The following R3HCC1 variants were observed in gnomAD, a reference collection of about 807,000 sequenced individuals.
R3HCC1 encodes the protein R3H domain and coiled-coil containing 1.
In R3HCC1, 32 loss-of-function variants were observed where a neutral mutation model predicts 40.0. The observed-to-expected ratio is 0.80, with a 90% CI of 0.60 to 1.07. R3HCC1 has a LOEUF of 1.07. Among genes scored for constraint, R3HCC1 ranks in the 50% least tolerant of loss-of-function variants. The pLI, the probability that R3HCC1 is intolerant of heterozygous loss-of-function variation, is 0.00. For synonymous variants in R3HCC1, 237 were observed against 232.8 expected, an observed-to-expected ratio of 1.02 and a Z score of -0.17; for missense variants, 586 against 563.3, an observed-to-expected ratio of 1.04 and a Z score of -0.41.
chr8:23,293,511 C>T (rs1448437475), intron 6 of R3HCC1, 138 bp downstream of exon 6: 2 of 659,360 alleles, frequency 3.0e-6, no homozygotes, highest in South Asian at 1.9e-5. Flanking sequence ...TTGTTCCCAG[C>T]CTAAAACCCA....
intron 1 of R3HCC1, 158 bp from the exon 2 acceptor site, chr8:23,288,348 C>G: frequency 8.4e-7 from 1 of 1,184,716 alleles, no homozygotes; most frequent in East Asian, 2.7e-5. Context: ...AGACCCCTTC[C>G]CTGACCCCTG....
At chr8:23,294,717 C>T (rs1010695498) in intron 6 of R3HCC1, 52 bp from the exon 7 acceptor site, 53 of 1,396,812 alleles carry the variant, frequency 3.8e-5, no homozygotes, top group South Asian at 3.3e-4. Flanking sequence ...GTGGGTGTGC[C>T]GCGGGGTCCT....
chr8:23,290,862 C>T, intron 4 of R3HCC1: 1 of 240,688 alleles, frequency 4.2e-6, no homozygotes, highest in Non-Finnish European at 8.1e-6. Context: ...ATCTTGTTTT[C>T]TTGGGACCGT....
At position 23,294,842 on chromosome 8, in the gene R3HCC1, G is replaced by A. The variant is rs531035874; in HGVS notation, c.1170G>A (p.Lys390=). 1 of 1,551,438 alleles carries A rather than the reference G, an allele frequency of 6.4e-7. No homozygotes were observed. The highest frequency in any genetic ancestry group is 1.2e-5 in the South Asian group (1 of 84,054). ...TCACACAGGGAACCAAGCAGTCAAA[G>A]CTCAAAGCCTTGCAGAGGCCAAGTA... The change falls in exon 7 of 8, where the codon AAG becomes AAA. Residue 390 remains lysine, a synonymous_variant. Coordinates refer to ENST00000265806, the MANE Select transcript of R3HCC1 (RefSeq NM_001136108.3).
rs1803003200 is a variant in R3HCC1, at chr8:23,295,913, G to A, written c.1193-54G>A. On this transcript the variant is annotated intron_variant, in intron 7 of 7. Transcript: ENST00000265806. Reference sequence around the variant, plus strand: ...TTGTACGGCTGCTGTGTTGCTGGGGGAGAGGCAGCCACGACCTTGTGTTTA... The same window carrying A: ...TTGTACGGCTGCTGTGTTGCTGGGGAAGAGGCAGCCACGACCTTGTGTTTA... 8 of 1,502,252 alleles carry A rather than the reference G, an allele frequency of 5.3e-6. No individual in the cohort carries two copies. The East Asian group carries it at 1.7e-4, about 33-fold the overall frequency. 93.1% of individuals were successfully genotyped at this position (1,502,252 alleles called of 1,614,324 possible). A position where few individuals can be genotyped will look rare whatever the true frequency, so the allele number is the denominator to read the frequency against.
At chr8:23,290,852 A>C (rs1375213660) in intron 4 of R3HCC1, 1 of 248,232 alleles carries the variant, frequency 4.0e-6, no homozygotes, top group Non-Finnish European at 7.8e-6. Context: ...TATCTTATAA[A>C]TCTTGTTTTC....
intron 2 of R3HCC1, 53 bp downstream of exon 2, chr8:23,288,686 C>T (rs1317928511): frequency 3.9e-6 from 6 of 1,525,592 alleles, no homozygotes; most frequent in Non-Finnish European, 5.3e-6. Context: ...GGCAGGGTTC[C>T]CGAGCCGCCT....
At chr8:23,291,002 T>C in intron 4 of R3HCC1, 1 of 214,744 alleles carries the variant, frequency 4.7e-6, no homozygotes, top group South Asian at 9.5e-5. Context: ...GGAAAGTTCT[T>C]GGACTTGCCC....
rs1802824048 is a variant in R3HCC1 at position 23,289,942 on chromosome 8, C to A, written c.325C>A (p.Pro109Thr). Residue 109 changes from proline (P) to threonine (T), a missense_variant, in exon 4 of 8, where the codon CCC becomes ACC. Pro to Thr is a conservative substitution (Grantham distance 38). Coordinates refer to ENST00000265806, the MANE Select transcript of R3HCC1 (RefSeq NM_001136108.3). ...CCCCAGCAGGTACCACGGTCCTCGG[C>A]CCATCTCCAACCAAGGAGCAGCTGC... 6.5e-7 allele frequency: 1 copy of A among 1,536,208 alleles called. No individual in the cohort carries two copies. Among genetic ancestry groups the A allele is most frequent in the East Asian group, 2.4e-5 (1 of 40,924 alleles).
At chr8:23,293,399 C>T in intron 6 of R3HCC1, 26 bp downstream of exon 6, 1 of 1,530,904 alleles carries the variant, frequency 6.5e-7, no homozygotes, top group Non-Finnish European at 8.9e-7. Context: ...TGGGCCCAGC[C>T]CTTGCTCGGA....
Position 23,296,239 on chromosome 8 carries a change from GA to G in R3HCC1, c.*145del. On this transcript the variant is annotated 3_prime_UTR_variant, in exon 8 of 8. Transcript: ENST00000265806. ...TGTGGTGGGCTTTAGTTTAGTCCCAGAAATGGAGAAAAAATAAAAACTCACG... is the reference window on the plus strand; with the variant it reads ...TGTGGTGGGCTTTAGTTTAGTCCCAGAATGGAGAAAAAATAAAAACTCACG... 2.0e-6 allele frequency: 2 copies of G among 986,866 alleles called. 1 individual carries two copies. The highest frequency in any genetic ancestry group is 4.2e-5 in the South Asian group (2 of 47,182). 61.1% of individuals were successfully genotyped at this position (986,866 alleles called of 1,614,324 possible).
At chr8:23,289,229 G>C in intron 3 of R3HCC1, 76 bp downstream of exon 3, 1 of 1,485,826 alleles carries the variant, frequency 6.7e-7, no homozygotes, top group Non-Finnish European at 9.0e-7. Context: ...CCTTTGGAAG[G>C]GCAGGGCTGG....
intron 7 of R3HCC1, 27 bp from the exon 8 acceptor site, chr8:23,295,940 G>C (rs1390125370): frequency 6.5e-7 from 1 of 1,538,206 alleles, no homozygotes; most frequent in Non-Finnish European, 8.8e-7. Context: ...TTGTGTTTAG[G>C]TCCCCACTGT....
intron 7 of R3HCC1, 123 bp downstream of exon 7, chr8:23,294,987 C>A: frequency 1.3e-6 from 1 of 750,670 alleles, no homozygotes; most frequent in Non-Finnish European, 2.3e-6. Context: ...TAATTCTTCC[C>A]GCTTGACTTC....
Position 23,288,156 on chromosome 8 carries a change from C to T in R3HCC1, c.-20C>T, listed in dbSNP as rs1585330937. On this transcript the variant is annotated splice_region_variant and 5_prime_UTR_variant, in exon 1 of 8. Transcript: ENST00000265806. ...GCGGCTGCGACGCGCCGAGAGGCCGCGGTGAGTGCAGCAGCACTGGGGGGG... is the reference window on the plus strand; with the variant it reads ...GCGGCTGCGACGCGCCGAGAGGCCGTGGTGAGTGCAGCAGCACTGGGGGGG... The T allele has an allele frequency of 8.0e-7, 1 of 1,246,840 alleles. No individual in the cohort carries two copies. The highest frequency in any genetic ancestry group is 1.4e-5 in the South Asian group (1 of 72,642). 77.2% of individuals were successfully genotyped at this position (1,246,840 alleles called of 1,614,324 possible). A position where few individuals can be genotyped will look rare whatever the true frequency, so the allele number is the denominator to read the frequency against.
At chr8:23,292,475 G>A (rs368364320) in intron 5 of R3HCC1, among the ~76,000 whole-genome samples, 16 of 152,258 alleles carry the variant, frequency 1.1e-4, no homozygotes, top group Admixed American at 5.9e-4. Flanking sequence ...TTAGCTGGGC[G>A]TGGTGGCAGG....
chr8:23,290,455 G>C lies in R3HCC1; in HGVS notation c.838G>C (p.Glu280Gln), dbSNP rs1203443533. Residue 280 changes from glutamate to glutamine, a missense_variant, in exon 4 of 8, where the codon GAG becomes CAG. Coordinates refer to ENST00000265806, the MANE Select transcript of R3HCC1 (RefSeq NM_001136108.3). ...CAGCTGCTCGGAGGACGATTACAGTGAGCTGCTGCAGGAGGTGATGAGGCT... is the reference window on the plus strand; with the variant it reads ...CAGCTGCTCGGAGGACGATTACAGTCAGCTGCTGCAGGAGGTGATGAGGCT... The C allele has an allele frequency of 6.5e-7, 1 of 1,550,052 alleles. No individual in the cohort carries two copies. The highest frequency in any genetic ancestry group is 8.7e-7 in the Non-Finnish European group (1 of 1,146,170).
At chr8:23,295,754 G>A (rs757726318) in intron 7 of R3HCC1, 28 of 636,422 alleles carry the variant, frequency 4.4e-5, no homozygotes, top group Admixed American at 6.1e-5. Context: ...ATGTAGAGGC[G>A]ACAAGTTTGG....
chr8:23,294,065 T>A (rs747614325), intron 6 of R3HCC1, among the ~76,000 whole-genome samples: 1 of 152,090 alleles, frequency 6.6e-6, no homozygotes, highest in Non-Finnish European at 1.5e-5. Context: ...GGGAGCGCCA[T>A]TGCTGCTGGG....
Sources: gnomAD v4.1 joint callset for allele counts (sites outside exome capture counted in the v4.1 genomes callset) on GRCh38, gnomAD v4.1.1 for gene constraint, MANE v1.5 for transcripts, NCBI Gene and HGNC (gene_info 2026-07-23, HGNC 2026-07-21) for gene names.